Variants in EFR3B observed in about 807,000 individuals in gnomAD.
The protein encoded by EFR3B is EFR3 homolog B.
A neutral mutation model predicts 104.7 loss-of-function variants in EFR3B; 64 were observed. The observed-to-expected ratio is 0.61, with a 90% CI of 0.50 to 0.75. The LOEUF is 0.75. Ranked by LOEUF, EFR3B falls within the 30% of genes least tolerant of loss-of-function variation. EFR3B has a pLI of 0.00. For synonymous variants in EFR3B, 385 were observed against 417.9 expected, an observed-to-expected ratio of 0.92 and a Z score of 0.96; for missense variants, 750 against 1,078.5, an observed-to-expected ratio of 0.70 and a Z score of 4.27.
intron 1 of EFR3B, chr2:25,080,011 G>T: frequency 2.1e-6 from 2 of 950,948 alleles, no homozygotes; most frequent in Non-Finnish European, 3.5e-6. Context: ...TCACAAGCAA[G>T]AATTTTAAGC....
At chr2:25,082,377 CA>C (rs1441857356) in intron 1 of EFR3B, among the ~76,000 whole-genome samples, 1 of 152,178 alleles carries the variant, frequency 6.6e-6, no homozygotes, top group Non-Finnish European at 1.5e-5. Flanking sequence ...CCCTGATGCC[CA>C]GTATGTCTGC....
intron 17 of EFR3B, among the ~76,000 whole-genome samples, chr2:25,143,393 T>A (rs1670727838): frequency 6.6e-6 from 1 of 152,108 alleles, no homozygotes; most frequent in Non-Finnish European, 1.5e-5. Context: ...GCATGGTGGC[T>A]CACGCCTGTA....
chr2:25,058,497 G>A (rs1381086138), intron 1 of EFR3B, among the ~76,000 whole-genome samples: 3 of 152,152 alleles, frequency 2.0e-5, no homozygotes, highest in Non-Finnish European at 2.9e-5. Context: ...AGTGGCTCAT[G>A]CCTGTAATCC....
At chr2:25,066,296 G>A (rs1051541389) in intron 1 of EFR3B, among the ~76,000 whole-genome samples, 2 of 152,118 alleles carry the variant, frequency 1.3e-5, no homozygotes, top group Non-Finnish European at 2.9e-5. Context: ...GATTCCTTAC[G>A]CATTCTAAGA....
chr2:25,145,802 C>CCCCCT (rs1452025910), intron 19 of EFR3B: 2 of 152,004 alleles, frequency 1.3e-5, no homozygotes, highest in African/African-American at 4.8e-5. Context: ...TCGCCCTTTG[C>CCCCCT]CCCCTCCCCT....
At position 25,130,123 on chromosome 2, in the gene EFR3B, C is replaced by T. The variant is rs907344958; in HGVS notation, c.770+14C>T. The T allele has an allele frequency of 1.3e-6, 2 of 1,551,872 alleles. No individual in the cohort carries two copies. The highest frequency in any genetic ancestry group is 1.4e-5 in the African/African-American group (1 of 73,182). The stretch of plus-strand genomic sequence containing the variant: ...GCCTGTTCTCATGTGAGTGCCCCCA[C>T]CCACTGCCTTGGCCCCAGCCTTCAG... On this transcript the variant is annotated intron_variant, in intron 7 of 22. Coordinates refer to ENST00000403714, the MANE Select transcript of EFR3B (RefSeq NM_014971.2). This position sits in a 1 kb window ranked among gnomAD's most constrained non-coding sequence, Gnocchi z 4.6.
At chr2:25,104,061 G>A (rs146131194) in intron 4 of EFR3B, among the ~76,000 whole-genome samples, 7 of 151,624 alleles carry the variant, frequency 4.6e-5, no homozygotes, top group African/African-American at 1.5e-4. Context: ...TTTAAACCCC[G>A]TGGTGGCCAG....
intron 1 of EFR3B, among the ~76,000 whole-genome samples, chr2:25,048,053 T>TC (rs1380820708): frequency 2.0e-5 from 3 of 152,106 alleles, no homozygotes; most frequent in African/African-American, 4.8e-5. Context: ...GATCTCACTC[T>TC]CCCCCAGGCT....
chr2:25,151,775 G>A (rs529905765), intron 20 of EFR3B, 139 bp from the exon 21 acceptor site: 17 of 863,458 alleles, frequency 2.0e-5, no homozygotes, highest in Non-Finnish European at 2.7e-5. Flanking sequence ...TGAGGGCACC[G>A]CACCTCCACG....
Position 25,131,545 on chromosome 2 carries a change from G to T in EFR3B, c.985+42G>T. 2 of 1,544,226 alleles carry T rather than the reference G, an allele frequency of 1.3e-6. No individual in the cohort carries two copies. Among genetic ancestry groups the T allele is most frequent in the Non-Finnish European group, 1.7e-6 (2 of 1,144,042 alleles). ...GGGCCTGAGGGCCGGGGACCCCGCG[G>T]AGGCTGCCGCCTCTTACAGAGAGAG... On this transcript the variant is annotated intron_variant, in intron 9 of 22. Transcript: ENST00000403714. This position sits in a 1 kb window ranked among gnomAD's most constrained non-coding sequence, Gnocchi z 7.6.
chr2:25,137,489 T>G lies in EFR3B; in HGVS notation c.1709T>G (p.Val570Gly). 1 of 1,551,660 alleles carries G rather than the reference T, an allele frequency of 6.4e-7. No individual in the cohort carries two copies. The highest frequency in any genetic ancestry group is 8.7e-7 in the Non-Finnish European group (1 of 1,146,976). The change falls in exon 15 of 23, where the codon GTG becomes GGG. Residue 570 changes from valine (V) to glycine (G), a missense_variant. By Grantham distance (109) the Val-to-Gly change is moderately radical. Transcript: ENST00000403714. This position sits in a 1 kb window ranked among gnomAD's most constrained non-coding sequence, Gnocchi z 4.7. ...GTGGTGGTGGACCTCATCCGTCTGG[T>G]GCTGGCTGTTCAGGTGGGGCCTGGT... The part of the protein sequence containing the change: ...EEVVVDLIRL[V>G]LAVQDVAQVN...
intron 12 of EFR3B, among the ~76,000 whole-genome samples, chr2:25,134,617 CGA>C (rs1309729121): frequency 1.3e-5 from 2 of 152,108 alleles, no homozygotes; most frequent in Non-Finnish European, 2.9e-5. Flanking sequence ...AGAACTCCCC[CGA>C]CCCCGCCGCC....
At chr2:25,076,675 C>T (rs372296127) in intron 1 of EFR3B, among the ~76,000 whole-genome samples, 3 of 152,124 alleles carry the variant, frequency 2.0e-5, no homozygotes, top group South Asian at 4.1e-4. Context: ...GCTTGAAGAG[C>T]ATATCAAAGC....
chr2:25,045,103 C>G (rs1351862098), intron 1 of EFR3B, among the ~76,000 whole-genome samples: 1 of 152,196 alleles, frequency 6.6e-6, no homozygotes, highest in African/African-American at 2.4e-5. Flanking sequence ...ACTGGTTGCT[C>G]AAGAGCCTGT....
intron 3 of EFR3B, among the ~76,000 whole-genome samples, chr2:25,099,872 A>T (rs1166409507): frequency 1.3e-5 from 1 of 78,432 alleles, no homozygotes; most frequent in African/African-American, 4.1e-5. Flanking sequence ...ACTTTGTTTA[A>T]AAAAAAAAAA....
intron 1 of EFR3B, among the ~76,000 whole-genome samples, chr2:25,046,833 C>G (rs1300112342): frequency 1.3e-5 from 2 of 152,148 alleles, no homozygotes; most frequent in Non-Finnish European, 2.9e-5. Flanking sequence ...GCAGAAATCT[C>G]CATAGACTCC....
At chr2:25,057,386 C>T (rs1050555696) in intron 1 of EFR3B, among the ~76,000 whole-genome samples, 2 of 151,990 alleles carry the variant, frequency 1.3e-5, no homozygotes, top group African/African-American at 4.8e-5. Flanking sequence ...ATGCAAGTCA[C>T]CCAGCTCGTT....
In EFR3B at chr2:25,131,608, T is replaced by G. The variant is rs1670337369; in HGVS notation, c.985+105T>G. ...AGGGAGGGGTCGGAGTCCGTTTTCCTCGGGAGAAGTCCGCCAGGAAGTTGG... is the reference window on the plus strand; with the variant it reads ...AGGGAGGGGTCGGAGTCCGTTTTCCGCGGGAGAAGTCCGCCAGGAAGTTGG... On this transcript the variant is annotated intron_variant, in intron 9 of 22. Coordinates refer to ENST00000403714, the MANE Select transcript of EFR3B (RefSeq NM_014971.2). The surrounding 1 kb of genome is among the most constrained non-coding windows in gnomAD (Gnocchi z 7.6). The G allele has an allele frequency of 1.3e-6, 2 of 1,503,722 alleles. No individual in the cohort carries two copies. The highest frequency in any genetic ancestry group is 1.4e-5 in the African/African-American group (1 of 71,960). The allele number at this position is 1,503,722 out of a possible 1,614,324, so 93.1% of individuals were successfully genotyped here.
intron 18 of EFR3B, among the ~76,000 whole-genome samples, chr2:25,144,372 A>G (rs2891423): frequency 0.94 from 143,298 of 152,184 alleles, 67,535 homozygotes; most frequent in East Asian, 1. Context: ...GTGAAACCCC[A>G]TCTCTACTAA....
Sources: gnomAD v4.1 joint callset for allele counts (sites outside exome capture counted in the v4.1 genomes callset) on GRCh38, gnomAD v4.1.1 for gene constraint, Gnocchi (gnomAD v3.1) non-coding constraint, MANE v1.5 for transcripts, NCBI Gene and HGNC (gene_info 2026-07-23, HGNC 2026-07-21) for gene names.